The following SNX1 variants were observed in gnomAD, a reference collection of about 807,000 sequenced individuals.
The protein encoded by SNX1 is sorting nexin 1.
SNX1 carries 36 observed loss-of-function variants against 71.8 expected under a neutral mutation model. The observed-to-expected ratio is 0.50, with a 90% confidence interval of 0.38 to 0.66. The LOEUF (loss-of-function observed/expected upper bound fraction) is 0.66, where lower values mean the gene tolerates loss of function less well. SNX1 is among the 30% of genes least tolerant of loss of function. The probability of loss-of-function intolerance (pLI) is 0.00; values close to 1 mark genes in which losing one functional copy is unlikely to be tolerated. For synonymous variants in SNX1, 254 were observed against 240.7 expected, an observed-to-expected ratio of 1.06 and a Z score of -0.51; for missense variants, 612 against 646.7, an observed-to-expected ratio of 0.95 and a Z score of 0.58.
At chr15:64,103,054 A>G (rs1251012315) in intron 1 of SNX1, among the ~76,000 whole-genome samples, 3 of 152,158 alleles carry the variant, frequency 2.0e-5, no homozygotes, top group Non-Finnish European at 4.4e-5. Context: ...GGTGTGAGCC[A>G]CCATGCCTGG....
chr15:64,117,615 C>T (rs747733431), intron 2 of SNX1, among the ~76,000 whole-genome samples: 1 of 152,152 alleles, frequency 6.6e-6, no homozygotes, highest in East Asian at 1.9e-4. Flanking sequence ...TAAAGGAATA[C>T]TCCGAAGATT....
chr15:64,103,149 G>A (rs550273269), intron 1 of SNX1, among the ~76,000 whole-genome samples: 21 of 152,256 alleles, frequency 1.4e-4, no homozygotes, highest in Non-Finnish European at 2.5e-4. Context: ...ATAGTGTGCT[G>A]GAATAAACAT....
Position 64,131,854 on chromosome 15 carries a change from C to T in SNX1, c.1183C>T (p.Leu395Phe). 3 of 1,614,250 alleles carry T rather than the reference C, an allele frequency of 1.9e-6. No individual in the cohort carries two copies. Among genetic ancestry groups the T allele is most frequent in the Non-Finnish European group, 2.5e-6 (3 of 1,180,042 alleles). Residue 395 changes from leucine to phenylalanine, a missense_variant, in exon 11 of 15, where the codon CTC (leucine) becomes TTC (phenylalanine). Coordinates refer to ENST00000559844, the MANE Select transcript of SNX1 (RefSeq NM_003099.5). ...ANNDFFLLAELLSDYIRLLAI... is the reference protein window; with the variant it reads ...ANNDFFLLAEFLSDYIRLLAI... ...CAATGACTTCTTCCTCCTTGCTGAG[C>T]TCCTGAGTGACTACATTCGCCTCCT...
intron 1 of SNX1, chr15:64,111,381 T>C (rs2081076254): frequency 6.6e-6 from 1 of 152,222 alleles, no homozygotes; most frequent in Non-Finnish European, 1.5e-5. Flanking sequence ...ATAGTTCCAG[T>C]AGAAGGATTG....
Position 64,137,970 on chromosome 15 carries a change from A to T in SNX1, c.*352A>T. The stretch of plus-strand genomic sequence containing the variant: ...GTTTTCTGTTACTCCTGATGGTGCC[A>T]TGAAAAGGTTATGTAATAAAATATT... On this transcript the variant is annotated 3_prime_UTR_variant, in exon 15 of 15. Transcript: ENST00000559844. 6.9e-7 allele frequency: 1 copy of T among 1,442,618 alleles called. No homozygotes were observed. Among genetic ancestry groups the T allele is most frequent in the Non-Finnish European group, 9.0e-7 (1 of 1,105,698 alleles). 89.4% of individuals were successfully genotyped at this position (1,442,618 alleles called of 1,614,324 possible). A position where few individuals can be genotyped will look rare whatever the true frequency, so the allele number is the denominator to read the frequency against.
intron 1 of SNX1, among the ~76,000 whole-genome samples, chr15:64,096,939 A>G (rs2080908788): frequency 6.6e-6 from 1 of 152,264 alleles, no homozygotes; most frequent in Non-Finnish European, 1.5e-5. Flanking sequence ...GACAAAACGC[A>G]CAAAATAACA....
intron 1 of SNX1, among the ~76,000 whole-genome samples, chr15:64,108,601 T>C (rs2081046718): frequency 6.6e-6 from 1 of 152,180 alleles, no homozygotes. Context: ...AATGTTATTA[T>C]GCCTCAAAGG....
intron 2 of SNX1, among the ~76,000 whole-genome samples, chr15:64,117,319 AT>A (rs1176325150): frequency 6.6e-6 from 1 of 151,986 alleles, no homozygotes. Flanking sequence ...CAGTGGCGCG[AT>A]CTCGGCTCAC....
chr15:64,126,305 A>G, intron 6 of SNX1, 85 bp downstream of exon 6: 2 of 1,323,884 alleles, frequency 1.5e-6, no homozygotes, highest in East Asian at 2.3e-5. Flanking sequence ...ATATGAGACT[A>G]CTTCTATTAA....
At chr15:64,136,128 C>CT (rs1285495802) in intron 12 of SNX1, among the ~76,000 whole-genome samples, 6 of 152,252 alleles carry the variant, frequency 3.9e-5, no homozygotes, top group Admixed American at 3.9e-4. Context: ...ACAGGCATCT[C>CT]TTTTCCAGTC....
At chr15:64,137,020 G>T in intron 14 of SNX1, 88 bp downstream of exon 14, 1 of 1,033,446 alleles carries the variant, frequency 9.7e-7, no homozygotes, top group Non-Finnish European at 1.5e-6. Context: ...AGATGTGCAG[G>T]CCCTGCTTCT....
chr15:64,137,035 G>T, intron 14 of SNX1, 103 bp downstream of exon 14: 5 of 852,232 alleles, frequency 5.9e-6, no homozygotes, highest in Non-Finnish European at 9.7e-6. Context: ...GCTTCTGAGG[G>T]GCTGGGCCCT....
intron 1 of SNX1, among the ~76,000 whole-genome samples, chr15:64,109,695 A>G (rs1262381676): frequency 6.6e-6 from 1 of 152,056 alleles, no homozygotes; most frequent in Non-Finnish European, 1.5e-5. Context: ...TTTAGTAGAG[A>G]CAGGGTTTCA....
intron 5 of SNX1, among the ~76,000 whole-genome samples, chr15:64,124,289 A>G (rs866238797): frequency 5.3e-5 from 8 of 150,972 alleles, no homozygotes; most frequent in African/African-American, 2.0e-4. Context: ...GGCAGATCAC[A>G]AGGTCAGGAG....
intron 1 of SNX1, among the ~76,000 whole-genome samples, chr15:64,104,638 A>C (rs2080999973): frequency 1.3e-5 from 2 of 151,722 alleles, no homozygotes; most frequent in Non-Finnish European, 2.9e-5. Flanking sequence ...TGATCCCAGC[A>C]CTTTGGGAGG....
At chr15:64,131,480 G>A in intron 10 of SNX1, 2 of 565,588 alleles carry the variant, frequency 3.5e-6, no homozygotes, top group South Asian at 4.7e-5. Context: ...GACAGCTGGT[G>A]CCTCTCCCTC....
At chr15:64,100,561 T>C (rs573718733) in intron 1 of SNX1, among the ~76,000 whole-genome samples, 17 of 135,344 alleles carry the variant, frequency 1.3e-4, no homozygotes, top group Non-Finnish European at 1.7e-4. Context: ...GCCGAGATCG[T>C]GCCAGGGCCC....
chr15:64,102,955 C>T (rs192687429), intron 1 of SNX1, among the ~76,000 whole-genome samples: 90 of 151,668 alleles, frequency 5.9e-4, no homozygotes, highest in Non-Finnish European at 4.7e-4. Flanking sequence ...TTAGTAGAGA[C>T]GGGGTTTTGC....
intron 1 of SNX1, among the ~76,000 whole-genome samples, chr15:64,103,738 T>A (rs1294184257): frequency 6.6e-6 from 1 of 152,222 alleles, no homozygotes; most frequent in Non-Finnish European, 1.5e-5. Context: ...ACTTTAATTC[T>A]CTGTTCTGTG....
Sources: gnomAD v4.1 joint callset for allele counts (sites outside exome capture counted in the v4.1 genomes callset) on GRCh38, gnomAD v4.1.1 for gene constraint, MANE v1.5 for transcripts, NCBI Gene and HGNC (gene_info 2026-07-23, HGNC 2026-07-21) for gene names.